The following LRRC4C variants were observed in gnomAD, a reference collection of about 807,000 sequenced individuals.
LRRC4C encodes leucine rich repeat containing 4C.
A neutral mutation model predicts 33.6 loss-of-function variants in LRRC4C; 5 were observed. That is an observed-to-expected ratio of 0.15 (90% CI 0.08 to 0.31). The LOEUF (loss-of-function observed/expected upper bound fraction) is 0.31, where lower values mean the gene tolerates loss of function less well. LRRC4C is among the 10% of genes least tolerant of loss of function. The pLI is 1.00. For synonymous variants in LRRC4C, 329 were observed against 302.0 expected (o/e 1.09, Z -0.93); for missense variants, 560 against 796.7 (o/e 0.70, Z 3.58).
At chr11:41,346,740 C>T (rs1951816371) in intron 1 of LRRC4C, among the ~76,000 whole-genome samples, 1 of 152,202 alleles carries the variant, frequency 6.6e-6, no homozygotes, top group South Asian at 2.1e-4. Flanking sequence ...TTGAGTGCTA[C>T]TCAATTTTGT....
chr11:40,495,120 T>G (rs1193452449), intron 3 of LRRC4C, among the ~76,000 whole-genome samples: 1 of 152,198 alleles, frequency 6.6e-6, no homozygotes, highest in African/African-American at 2.4e-5. Flanking sequence ...CCCAACAGAT[T>G]ATTTGAATCA....
At chr11:40,441,187 C>A (rs1448404985) in intron 3 of LRRC4C, among the ~76,000 whole-genome samples, 2 of 152,114 alleles carry the variant, frequency 1.3e-5, no homozygotes, top group Non-Finnish European at 2.9e-5. Flanking sequence ...CTTATAACTG[C>A]ATTTACTGGT....
intron 2 of LRRC4C, among the ~76,000 whole-genome samples, chr11:40,754,794 G>A (rs912408264): frequency 6.6e-6 from 1 of 151,524 alleles, no homozygotes; most frequent in Non-Finnish European, 1.5e-5. Flanking sequence ...TTAGCTAATG[G>A]TTTATCATGC....
At chr11:40,925,663 G>C (rs7952326) in intron 2 of LRRC4C, among the ~76,000 whole-genome samples, 1 of 152,140 alleles carries the variant, frequency 6.6e-6, no homozygotes, top group Non-Finnish European at 1.5e-5. Context: ...AGAGCACAGC[G>C]TTTGGGTTTG....
At chr11:40,406,784 C>T (rs1287953360) in intron 3 of LRRC4C, among the ~76,000 whole-genome samples, 1 of 151,986 alleles carries the variant, frequency 6.6e-6, no homozygotes, top group Non-Finnish European at 1.5e-5. Context: ...TAAACATTAA[C>T]CAAATACGAT....
chr11:40,495,277 C>T lies in LRRC4C; in HGVS notation c.-270+152865G>A, dbSNP rs72899018. Among the ~76,000 whole-genome samples the T allele has an allele frequency of 3.3e-3, 505 of 152,128 alleles. 2 individuals are homozygous for T. The highest frequency in any genetic ancestry group is 5.5e-3 in the Non-Finnish European group (375 of 67,994). ...GTTCAAAATGGAAAGGCAAAACAAA[C>T]GAACAACCTCTCCGCCCCCCCCGCC... On this transcript the variant is annotated intron_variant, in intron 3 of 6. Coordinates refer to ENST00000528697, the MANE Select transcript of LRRC4C (RefSeq NM_001258419.2).
chr11:40,172,634 C>T (rs1436877253), intron 5 of LRRC4C, among the ~76,000 whole-genome samples: 1 of 151,770 alleles, frequency 6.6e-6, no homozygotes, highest in Non-Finnish European at 1.5e-5. Context: ...ACTCCCTTTC[C>T]TTCAACTGAC....
At chr11:40,304,803 C>T (rs1465145909) in intron 4 of LRRC4C, among the ~76,000 whole-genome samples, 3 of 151,616 alleles carry the variant, frequency 2.0e-5, no homozygotes, top group South Asian at 4.2e-4. Context: ...GCAATCTCGG[C>T]TCACTGCAAC....
At chr11:40,265,550 A>C (rs1463219971) in intron 4 of LRRC4C, among the ~76,000 whole-genome samples, 1 of 152,228 alleles carries the variant, frequency 6.6e-6, no homozygotes, top group Non-Finnish European at 1.5e-5. Context: ...ACCAATGAGG[A>C]AGATTGGATT....
At chr11:40,354,954 G>A (rs897735675) in intron 3 of LRRC4C, among the ~76,000 whole-genome samples, 32 of 152,084 alleles carry the variant, frequency 2.1e-4, no homozygotes, top group African/African-American at 7.7e-4. Flanking sequence ...GGTCACACCT[G>A]AAGCCAGCAC....
chr11:41,209,991 A>G (rs146225735), intron 1 of LRRC4C, among the ~76,000 whole-genome samples: 1 of 152,172 alleles, frequency 6.6e-6, no homozygotes, highest in Non-Finnish European at 1.5e-5. Context: ...CTGCATGCAC[A>G]TAGAGGAAAC....
intron 1 of LRRC4C, among the ~76,000 whole-genome samples, chr11:40,939,735 C>T (rs558097975): frequency 6.6e-6 from 1 of 152,254 alleles, no homozygotes; most frequent in African/African-American, 2.4e-5. Context: ...GGTTGCTGAG[C>T]CTTGTTCCTG....
chr11:40,875,006 G>C (rs956965336), intron 2 of LRRC4C, among the ~76,000 whole-genome samples: 1 of 152,100 alleles, frequency 6.6e-6, no homozygotes. Flanking sequence ...AATCAACATA[G>C]AAATCATTTC....
chr11:40,261,147 C>A (rs1867679776), intron 4 of LRRC4C, among the ~76,000 whole-genome samples: 1 of 152,096 alleles, frequency 6.6e-6, no homozygotes, highest in Non-Finnish European at 1.5e-5. Context: ...GGATTATAGG[C>A]ATGAGTCTGG....
At chr11:40,231,472 AACT>A (rs199945780) in intron 5 of LRRC4C, among the ~76,000 whole-genome samples, 2 of 54,300 alleles carry the variant, frequency 3.7e-5, no homozygotes, top group African/African-American at 5.7e-5. Context: ...ATTTATAATA[AACT>A]AGTCAATATG....
chr11:40,553,432 T>C (rs1255123392), intron 3 of LRRC4C, among the ~76,000 whole-genome samples: 2 of 152,192 alleles, frequency 1.3e-5, no homozygotes, highest in Non-Finnish European at 2.9e-5. Flanking sequence ...TCTAGATTAT[T>C]GAGGTAACAT....
intron 3 of LRRC4C, among the ~76,000 whole-genome samples, chr11:40,535,977 A>T (rs1225128759): frequency 2.0e-5 from 3 of 152,172 alleles, no homozygotes; most frequent in Admixed American, 2.0e-4. Flanking sequence ...TGGTCACTTC[A>T]TTTTTTACTT....
chr11:40,892,338 G>C (rs994565523), intron 2 of LRRC4C, among the ~76,000 whole-genome samples: 4 of 152,056 alleles, frequency 2.6e-5, no homozygotes, highest in Admixed American at 2.0e-4. Context: ...TCCATTGGCA[G>C]ATTAATGGAC....
At chr11:41,130,578 T>C (rs1021022615) in intron 1 of LRRC4C, among the ~76,000 whole-genome samples, 3 of 152,012 alleles carry the variant, frequency 2.0e-5, no homozygotes, top group Admixed American at 1.3e-4. Flanking sequence ...GTTTTTTACT[T>C]TTCATCTTTG....
Sources: gnomAD v4.1 joint callset for allele counts (sites outside exome capture counted in the v4.1 genomes callset) on GRCh38, gnomAD v4.1.1 for gene constraint, MANE v1.5 for transcripts, NCBI Gene and HGNC (gene_info 2026-07-23, HGNC 2026-07-21) for gene names.